The following TENM3 variants were observed in gnomAD, a reference collection of about 807,000 sequenced individuals.
TENM3 encodes teneurin transmembrane protein 3.
In TENM3, 63 loss-of-function variants were observed where a neutral mutation model predicts 255.1. The observed-to-expected ratio is 0.25, with a 90% confidence interval of 0.20 to 0.30. The LOEUF (loss-of-function observed/expected upper bound fraction) is 0.30, where lower values mean the gene tolerates loss of function less well. Ranked by LOEUF, TENM3 falls within the 10% of genes least tolerant of loss-of-function variation. The probability of loss-of-function intolerance (pLI) is 1.00; values close to 1 mark genes in which losing one functional copy is unlikely to be tolerated. For missense variants in TENM3, 2,929 were observed against 3,461.1 expected (o/e 0.85, Z 3.86); for synonymous variants, 1,306 against 1,322.3 (o/e 0.99, Z 0.27).
chr4:181,880,897 G>A, the TENM3 span, among the ~76,000 whole-genome samples: 2 of 152,232 alleles, frequency 1.3e-5, no homozygotes, highest in South Asian at 2.1e-4. Context: ...AGCCCCCGGG[G>A]CTCTAATAGA....
intron 3 of TENM3, among the ~76,000 whole-genome samples, chr4:182,473,928 A>T (rs1449328022): frequency 6.6e-6 from 1 of 152,184 alleles, no homozygotes; most frequent in East Asian, 1.9e-4. Flanking sequence ...ACTGCACTCC[A>T]GCCTGGGCCA....
At chr4:181,888,527 C>CATATATGTATATATATATGTATAT in the TENM3 span, among the ~76,000 whole-genome samples, 3 of 65,300 alleles carry the variant, frequency 4.6e-5, no homozygotes, top group African/African-American at 7.4e-5. Flanking sequence ...TATATATATA[C>CATATATGTATATATATATGTATAT]ATATATGTGT....
At chr4:181,906,883 A>T in the TENM3 span, among the ~76,000 whole-genome samples, 3 of 151,544 alleles carry the variant, frequency 2.0e-5, no homozygotes, top group African/African-American at 7.3e-5. Context: ...TCACCTTTTT[A>T]TTTTTTATTT....
chr4:181,844,625 A>C, the TENM3 span, among the ~76,000 whole-genome samples: 1 of 151,820 alleles, frequency 6.6e-6, no homozygotes, highest in East Asian at 1.9e-4. Flanking sequence ...CTGAGATCAC[A>C]CCACTGCACT....
the TENM3 span, among the ~76,000 whole-genome samples, chr4:181,454,874 G>A: frequency 6.6e-5 from 10 of 151,680 alleles, no homozygotes; most frequent in South Asian, 2.1e-4. Context: ...TATATGATAT[G>A]GTCAGATTAA....
At chr4:182,783,543 C>T (rs1263891610) in intron 24 of TENM3, among the ~76,000 whole-genome samples, 1 of 150,890 alleles carries the variant, frequency 6.6e-6, no homozygotes, top group African/African-American at 2.4e-5. Flanking sequence ...CTTGGAGTTG[C>T]TCTTCTCGAG....
At position 182,279,017 on chromosome 4, in the gene TENM3, G is replaced by A. The variant is rs958093450; in HGVS notation, c.-76+35541G>A. Among the ~76,000 whole-genome samples the A allele has an allele frequency of 1.3e-4, 20 of 152,344 alleles. No homozygotes were observed. The East Asian group carries it at 3.7e-3, about 28-fold the overall frequency. On this transcript the variant is annotated intron_variant, in intron 1 of 27. Transcript: ENST00000511685. ...AGGGATTGCACACCAGGTCGGGGCAGGGGCCGCTGCAAGGATCTGGCACGG... is the reference window on the plus strand; with the variant it reads ...AGGGATTGCACACCAGGTCGGGGCAAGGGCCGCTGCAAGGATCTGGCACGG...
intron 3 of TENM3, among the ~76,000 whole-genome samples, chr4:182,553,612 A>G (rs1397870024): frequency 2.0e-5 from 3 of 152,178 alleles, no homozygotes; most frequent in Admixed American, 6.5e-5. Flanking sequence ...GTTTATTTTT[A>G]AAGAGTTTCC....
At chr4:181,514,218 T>C in the TENM3 span, among the ~76,000 whole-genome samples, 4 of 152,220 alleles carry the variant, frequency 2.6e-5, no homozygotes, top group African/African-American at 9.6e-5. Flanking sequence ...AACAGTGTTA[T>C]GTTACTGTGA....
intron 3 of TENM3, among the ~76,000 whole-genome samples, chr4:182,384,305 G>A (rs1240698264): frequency 8.8e-6 from 1 of 114,180 alleles, no homozygotes; most frequent in Non-Finnish European, 1.7e-5. Context: ...TGTCTGCTGT[G>A]GTTCAGTTTT....
chr4:182,431,798 C>T (rs897536931), intron 3 of TENM3, among the ~76,000 whole-genome samples: 1 of 151,728 alleles, frequency 6.6e-6, no homozygotes, highest in Non-Finnish European at 1.5e-5. Flanking sequence ...GAGCCAGGGC[C>T]GGGCATAGTG....
intron 3 of TENM3, among the ~76,000 whole-genome samples, chr4:182,405,893 T>G (rs1433677082): frequency 6.6e-6 from 1 of 151,978 alleles, no homozygotes; most frequent in Non-Finnish European, 1.5e-5. Flanking sequence ...CAAGCAGGCT[T>G]GGGTCGGGAG....
the TENM3 span, among the ~76,000 whole-genome samples, chr4:181,828,804 G>A: frequency 6.6e-6 from 1 of 152,086 alleles, no homozygotes; most frequent in East Asian, 1.9e-4. Context: ...TGGCCAGGCT[G>A]GTCTTGAACT....
At chr4:181,824,131 T>C in the TENM3 span, among the ~76,000 whole-genome samples, 1 of 152,160 alleles carries the variant, frequency 6.6e-6, no homozygotes, top group African/African-American at 2.4e-5. Flanking sequence ...AGATGGAGTC[T>C]CACTCTGCCA....
At chr4:182,155,424 C>G (rs1750639071) in intron 1 of TENM3, among the ~76,000 whole-genome samples, 1 of 151,970 alleles carries the variant, frequency 6.6e-6, no homozygotes. Context: ...GCGTCATCTT[C>G]TCAAATATTT....
chr4:182,758,570 G>A lies in TENM3; in HGVS notation c.4892+3311G>A, dbSNP rs552292082. Among the ~76,000 whole-genome samples, 14 of 152,224 alleles carry A rather than the reference G, an allele frequency of 9.2e-5. No individual in the cohort carries two copies. In the South Asian group the frequency reaches 1.5e-3, roughly 16 times the overall value. ...GGCAGCGGGGGGCTTCTGAATCCCCGTCGGAATGCCTTTGTTTTTGTAGTT... is the reference window on the plus strand; with the variant it reads ...GGCAGCGGGGGGCTTCTGAATCCCCATCGGAATGCCTTTGTTTTTGTAGTT... On this transcript the variant is annotated intron_variant, in intron 22 of 27. Transcript: ENST00000511685.
chr4:182,535,437 A>G (rs143294258), intron 3 of TENM3, among the ~76,000 whole-genome samples: 1 of 152,262 alleles, frequency 6.6e-6, no homozygotes, highest in East Asian at 1.9e-4. Flanking sequence ...TTTTTTTCAT[A>G]AAGAATTTTT....
chr4:182,016,349 C>G, the TENM3 span, among the ~76,000 whole-genome samples: 1 of 152,240 alleles, frequency 6.6e-6, no homozygotes, highest in Admixed American at 6.5e-5. Flanking sequence ...AACTCTCTCA[C>G]AGGAACACAG....
the TENM3 span, among the ~76,000 whole-genome samples, chr4:181,745,584 G>A: frequency 6.6e-6 from 1 of 152,222 alleles, no homozygotes; most frequent in African/African-American, 2.4e-5. Flanking sequence ...TGCAGGCTGA[G>A]CCATTGCAAA....
Sources: allele counts gnomAD v4.1 joint callset (sites outside exome capture counted in the v4.1 genomes callset), GRCh38; gene constraint gnomAD v4.1.1; transcripts MANE v1.5; gene names NCBI Gene and HGNC (gene_info 2026-07-23, HGNC 2026-07-21).